The following BICD1 variants were observed in gnomAD, a reference collection of about 807,000 sequenced individuals.
BICD1 encodes BICD cargo adaptor 1.
BICD1 carries 35 observed loss-of-function variants against 92.5 expected under a neutral mutation model. That is an observed-to-expected ratio of 0.38 (90% confidence interval 0.29 to 0.50). The LOEUF (loss-of-function observed/expected upper bound fraction) is 0.50, where lower values mean the gene tolerates loss of function less well. Ranked by LOEUF, BICD1 falls within the 20% of genes least tolerant of loss-of-function variation. The probability of loss-of-function intolerance (pLI) is 0.93; values close to 1 mark genes in which losing one functional copy is unlikely to be tolerated. For missense variants in BICD1, 950 were observed against 1,189.8 expected (o/e 0.80, Z 2.97); for synonymous variants, 429 against 465.1 (o/e 0.92, Z 1.00).
chr12:32,168,886 C>T (rs139033780), intron 1 of BICD1, among the ~76,000 whole-genome samples: 2,004 of 152,176 alleles, frequency 0.013, 41 homozygotes, highest in African/African-American at 0.045. Context: ...CGCTTGAACC[C>T]GGGAGGCGGA....
intron 2 of BICD1, among the ~76,000 whole-genome samples, chr12:32,250,324 T>C (rs1159434519): frequency 1.3e-5 from 2 of 152,090 alleles, no homozygotes; most frequent in Non-Finnish European, 2.9e-5. Context: ...CCTACCTCAG[T>C]GGGGTTATTG....
chr12:32,223,616 G>A (rs963652249), intron 2 of BICD1, among the ~76,000 whole-genome samples: 4 of 151,790 alleles, frequency 2.6e-5, no homozygotes, highest in Non-Finnish European at 5.9e-5. Context: ...TGTCAGAAAT[G>A]AGACTGTTTC....
intron 8 of BICD1, among the ~76,000 whole-genome samples, chr12:32,343,924 G>A (rs372585043): frequency 2.0e-5 from 3 of 152,104 alleles, no homozygotes; most frequent in South Asian, 2.1e-4. Context: ...TTTGTTTCAC[G>A]TATTGCAAAG....
At chr12:32,250,465 C>G (rs550801273) in intron 2 of BICD1, among the ~76,000 whole-genome samples, 1 of 152,076 alleles carries the variant, frequency 6.6e-6, no homozygotes, top group Admixed American at 6.6e-5. Context: ...AAACATCATG[C>G]AATTTGTAAT....
chr12:32,207,221 A>G (rs1489374512), intron 1 of BICD1, among the ~76,000 whole-genome samples: 2 of 101,910 alleles, frequency 2.0e-5, no homozygotes, highest in Non-Finnish European at 2.0e-5. Flanking sequence ...TGCATATTCA[A>G]TATGTAACCA....
At chr12:32,144,935 G>T (rs1943058606) in intron 1 of BICD1, among the ~76,000 whole-genome samples, 1 of 152,150 alleles carries the variant, frequency 6.6e-6, no homozygotes, top group African/African-American at 2.4e-5. Flanking sequence ...AATAGCCGTG[G>T]CATTAGTATG....
At chr12:32,267,898 G>A (rs1947041160) in intron 2 of BICD1, among the ~76,000 whole-genome samples, 1 of 152,140 alleles carries the variant, frequency 6.6e-6, no homozygotes, top group Non-Finnish European at 1.5e-5. Context: ...CTAACTCCTG[G>A]GCTCAAGTGA....
At chr12:32,114,358 A>G (rs1941812264) in intron 1 of BICD1, among the ~76,000 whole-genome samples, 1 of 152,016 alleles carries the variant, frequency 6.6e-6, no homozygotes, top group Non-Finnish European at 1.5e-5. Context: ...CGTACATTGC[A>G]TGATGGATTC....
intron 1 of BICD1, among the ~76,000 whole-genome samples, chr12:32,151,098 G>C (rs11837015): frequency 1.3e-5 from 2 of 152,098 alleles, no homozygotes; most frequent in Non-Finnish European, 2.9e-5. Context: ...TAGCAGACAG[G>C]GTTGCTTAAA....
At chr12:32,166,468 G>T (rs1036380781) in intron 1 of BICD1, among the ~76,000 whole-genome samples, 1 of 152,028 alleles carries the variant, frequency 6.6e-6, no homozygotes, top group Non-Finnish European at 1.5e-5. Flanking sequence ...CACAACTGGG[G>T]GGATGCTTCT....
At chr12:32,262,982 G>GAA (rs146075404) in intron 2 of BICD1, among the ~76,000 whole-genome samples, 1 of 145,880 alleles carries the variant, frequency 6.9e-6, no homozygotes, top group African/African-American at 2.5e-5. Context: ...CGTCTCTATT[G>GAA]AAAAAAAAAA....
At chr12:32,144,567 G>A (rs1258813795) in intron 1 of BICD1, among the ~76,000 whole-genome samples, 1 of 152,096 alleles carries the variant, frequency 6.6e-6, no homozygotes, top group Non-Finnish European at 1.5e-5. Flanking sequence ...GGCATCATCT[G>A]GGCTAAATGA....
At chr12:32,375,210 C>T (rs1044527318) in intron 9 of BICD1, among the ~76,000 whole-genome samples, 3 of 151,822 alleles carry the variant, frequency 2.0e-5, no homozygotes, top group African/African-American at 7.2e-5. Flanking sequence ...CAGGCGTGCG[C>T]CACCGCGCCC....
At chr12:32,339,412 C>G (rs1938271834) in intron 8 of BICD1, 2 of 987,012 alleles carry the variant, frequency 2.0e-6, no homozygotes, top group Non-Finnish European at 2.4e-6. Context: ...TTTGTGGTGA[C>G]TCAGAACGTC....
chr12:32,311,438 G>T (rs1422192950), intron 4 of BICD1, among the ~76,000 whole-genome samples: 1 of 152,188 alleles, frequency 6.6e-6, no homozygotes, highest in African/African-American at 2.4e-5. Context: ...GGCGGAGGTT[G>T]CAGTGAGCCG....
chr12:32,252,142 TTA>T lies in BICD1; in HGVS notation c.426+35689_426+35690del, dbSNP rs1491340411. On this transcript the variant is annotated intron_variant, in intron 2 of 9. Coordinates refer to ENST00000652176, the MANE Select transcript of BICD1 (RefSeq NM_001714.4). Reference sequence around the variant, plus strand: ...ATATATTTATAATAAATATTATATATTATATATTACATATTATATATTTATAA... The same window carrying T: ...ATATATTTATAATAAATATTATATATTATATTACATATTATATATTTATAA... Among the ~76,000 whole-genome samples the T allele has an allele frequency of 4.9e-4, 57 of 115,860 alleles. 4 individuals carry two copies. Among genetic ancestry groups the T allele is most frequent in the Non-Finnish European group, 9.8e-5 (6 of 61,012 alleles). 76.0% of individuals were successfully genotyped at this position (115,860 alleles called of 152,430 possible).
At chr12:32,370,056 G>C (rs995189225) in intron 9 of BICD1, among the ~76,000 whole-genome samples, 1 of 152,150 alleles carries the variant, frequency 6.6e-6, no homozygotes, top group African/African-American at 2.4e-5. Context: ...TTTTACAACA[G>C]CACTAATTTC....
intron 1 of BICD1, among the ~76,000 whole-genome samples, chr12:32,114,189 TAGAG>T (rs1206729696): frequency 6.6e-6 from 1 of 151,976 alleles, no homozygotes; most frequent in Non-Finnish European, 1.5e-5. Context: ...GTACTTTTAG[TAGAG>T]AGAAGATTTC....
chr12:32,138,125 G>A (rs1330126485), intron 1 of BICD1, among the ~76,000 whole-genome samples: 1 of 152,142 alleles, frequency 6.6e-6, no homozygotes, highest in African/African-American at 2.4e-5. Flanking sequence ...AAAATAGCTC[G>A]CTTGTGTTCA....
Sources: gnomAD v4.1 joint callset for allele counts (sites outside exome capture counted in the v4.1 genomes callset) on GRCh38, gnomAD v4.1.1 for gene constraint, MANE v1.5 for transcripts, NCBI Gene and HGNC (gene_info 2026-07-23, HGNC 2026-07-21) for gene names.